The following FBXL17 variants were observed in gnomAD, a reference collection of about 807,000 sequenced individuals.
FBXL17 encodes the protein F-box/LRR-repeat protein 17.
Under a neutral mutation model 66.2 loss-of-function variants are expected in FBXL17, and 22 were observed. That is an observed-to-expected ratio of 0.33 (90% CI 0.24 to 0.47). The LOEUF (loss-of-function observed/expected upper bound fraction) is 0.47. Among genes scored for constraint, FBXL17 ranks in the 20% least tolerant of loss-of-function variants. The pLI is 1.00. For missense variants in FBXL17, 878 were observed against 948.2 expected, an observed-to-expected ratio of 0.93 and a Z score of 0.97; for synonymous variants, 474 against 400.5, an observed-to-expected ratio of 1.18 and a Z score of -2.19.
At chr5:108,333,369 GGACA>G (rs938052508) in intron 4 of FBXL17, among the ~76,000 whole-genome samples, 5 of 151,942 alleles carry the variant, frequency 3.3e-5, no homozygotes, top group South Asian at 4.2e-4. Context: ...ATGCAAAGAT[GGACA>G]GACAAATTAC....
chr5:108,381,567 G>T lies in FBXL17; in HGVS notation c.125C>A (p.Pro42His). 6.9e-7 allele frequency: 1 copy of T among 1,440,874 alleles called. No homozygotes were observed. Among genetic ancestry groups the T allele is most frequent in the East Asian group, 2.9e-5 (1 of 33,938 alleles). The allele number at this position is 1,440,874 out of a possible 1,614,324, so 89.3% of individuals were successfully genotyped here. The change falls in exon 1 of 9, where the codon CCC becomes CAC. Residue 42 changes from proline (P) to histidine (H), a missense_variant. This residue lies in a region of FBXL17 where 605 missense variants were observed against 509.5 expected (regional missense o/e 1.19). Transcript: ENST00000542267. ...RLPRRTPAKVPPQPAAPRSRD... is the reference protein window; with the variant it reads ...RLPRRTPAKVHPQPAAPRSRD... ...GCTCCGGGGCGCCGCCGGCTGAGGG[G>T]GCACCTTGGCTGGGGTCCGGCGGGG...
chr5:108,013,964 C>G (rs571725360), intron 7 of FBXL17, among the ~76,000 whole-genome samples: 5 of 152,254 alleles, frequency 3.3e-5, no homozygotes, highest in African/African-American at 4.8e-5. Context: ...GGTATTCATT[C>G]CAGCTCCATT....
chr5:107,968,744 T>C (rs970596554), intron 7 of FBXL17, among the ~76,000 whole-genome samples: 3 of 152,176 alleles, frequency 2.0e-5, no homozygotes, highest in African/African-American at 7.2e-5. Context: ...TCAAATGCAC[T>C]CTGTACTTTC....
At position 108,381,661 on chromosome 5, in the gene FBXL17, T is replaced by C; in HGVS notation, c.31A>G (p.Asn11Asp). ...CGAGGCCTCTTCTGGCTCGGGCGGT[T>C]ACGCGGCTCCTTCGAGAGAAGGTGG... MGHLLSKEPRNRPSQKRPRCC... is the reference protein window; with the variant it reads MGHLLSKEPRDRPSQKRPRCC... The change falls in exon 1 of 9, where the codon AAC (asparagine) becomes GAC (aspartate). Residue 11 changes from asparagine to aspartate, a missense_variant. By Grantham distance (23) the Asn-to-Asp change is conservative. Coordinates refer to ENST00000542267, the MANE Select transcript of FBXL17 (RefSeq NM_001163315.3). 6.8e-7 allele frequency: 1 copy of C among 1,474,508 alleles called. No individual in the cohort carries two copies. Among genetic ancestry groups the C allele is most frequent in the Non-Finnish European group, 9.0e-7 (1 of 1,116,674 alleles). The allele number at this position is 1,474,508 out of a possible 1,614,324, so 91.3% of individuals were successfully genotyped here. A position where few individuals can be genotyped will look rare whatever the true frequency, so the allele number is the denominator to read the frequency against.
chr5:108,005,327 T>C (rs1208567509), intron 7 of FBXL17, among the ~76,000 whole-genome samples: 1 of 152,150 alleles, frequency 6.6e-6, no homozygotes, highest in Non-Finnish European at 1.5e-5. Flanking sequence ...GGGGAGGATT[T>C]CAGAAACAGC....
chr5:107,932,223 A>G (rs144500716), intron 7 of FBXL17, among the ~76,000 whole-genome samples: 1 of 152,332 alleles, frequency 6.6e-6, no homozygotes, highest in Non-Finnish European at 1.5e-5. Flanking sequence ...TCACTGAATG[A>G]AATGTTCACG....
intron 5 of FBXL17, among the ~76,000 whole-genome samples, chr5:108,190,107 C>T (rs2150036756): frequency 6.6e-6 from 1 of 152,266 alleles, no homozygotes; most frequent in East Asian, 1.9e-4. Context: ...TGTTGTGTAT[C>T]AGTAGAAAAC....
intron 4 of FBXL17, among the ~76,000 whole-genome samples, chr5:108,244,550 T>A (rs1171049827): frequency 2.6e-5 from 4 of 152,212 alleles, no homozygotes; most frequent in African/African-American, 9.6e-5. Flanking sequence ...CACTATTCAA[T>A]GTACAAACAC....
At chr5:108,276,796 T>G (rs1282023983) in intron 4 of FBXL17, among the ~76,000 whole-genome samples, 1 of 152,128 alleles carries the variant, frequency 6.6e-6, no homozygotes, top group African/African-American at 2.4e-5. Context: ...TTCAAGCCCT[T>G]AGACATTTTG....
chr5:108,149,998 A>T (rs1215508156), intron 6 of FBXL17, among the ~76,000 whole-genome samples: 1 of 152,208 alleles, frequency 6.6e-6, no homozygotes, highest in East Asian at 1.9e-4. Context: ...GAAAGAGTAG[A>T]ATGTACACCC....
At chr5:108,380,608 C>A in intron 1 of FBXL17, 91 bp downstream of exon 1, 1 of 851,146 alleles carries the variant, frequency 1.2e-6, no homozygotes, top group Non-Finnish European at 1.6e-6. Context: ...CCCCCCTCCT[C>A]CGCGCTTAGG....
intron 4 of FBXL17, among the ~76,000 whole-genome samples, chr5:108,316,790 A>G (rs1274567075): frequency 6.6e-6 from 1 of 151,124 alleles, no homozygotes; most frequent in Non-Finnish European, 1.5e-5. Context: ...ATATATGGGA[A>G]ATTATACTGT....
In FBXL17 at chr5:108,229,312, A is replaced by T. The variant is rs142619116; in HGVS notation, c.1507-5084T>A. On this transcript the variant is annotated intron_variant, in intron 4 of 8. Transcript: ENST00000542267. ...CTGGGGGCATCACATTACAAGTTCA[A>T]ACTATACTGTAAGGCCACAGTCACC... Among the ~76,000 whole-genome samples, 266 of 152,306 alleles carry T rather than the reference A, an allele frequency of 1.7e-3. 1 individual carries two copies. The highest frequency in any genetic ancestry group is 6.2e-3 in the African/African-American group (258 of 41,562).
chr5:107,942,529 C>T (rs1309997512), intron 7 of FBXL17, among the ~76,000 whole-genome samples: 3 of 152,136 alleles, frequency 2.0e-5, no homozygotes. Context: ...TTGCCCATTA[C>T]ATTAGCTTTG....
chr5:108,365,629 A>G (rs1748613244), intron 2 of FBXL17, among the ~76,000 whole-genome samples: 1 of 152,096 alleles, frequency 6.6e-6, no homozygotes, highest in Admixed American at 6.6e-5. Context: ...AAACTGAGAA[A>G]GAAATTAAGG....
chr5:107,916,558 T>G (rs911780142), intron 7 of FBXL17, among the ~76,000 whole-genome samples: 3 of 152,144 alleles, frequency 2.0e-5, no homozygotes, highest in Non-Finnish European at 2.9e-5. Context: ...TCCTCAAAGA[T>G]ATTCAACAAT....
chr5:108,299,673 C>G, intron 4 of FBXL17: 1 of 983,314 alleles, frequency 1.0e-6, no homozygotes. Context: ...AAAAGGCCAG[C>G]CTGCCCCTGT....
At chr5:108,177,794 T>A (rs896103174) in intron 6 of FBXL17, among the ~76,000 whole-genome samples, 1 of 151,574 alleles carries the variant, frequency 6.6e-6, no homozygotes, top group Non-Finnish European at 1.5e-5. Context: ...TTCCTCAGGG[T>A]TGTTGTAGAG....
intron 4 of FBXL17, among the ~76,000 whole-genome samples, chr5:108,276,138 G>A (rs189865451): frequency 6.6e-6 from 1 of 152,242 alleles, no homozygotes; most frequent in African/African-American, 2.4e-5. Context: ...TAATTAGCTG[G>A]ATTTATTTTA....
Sources: allele counts gnomAD v4.1 joint callset (sites outside exome capture counted in the v4.1 genomes callset), GRCh38; gene constraint gnomAD v4.1.1; regional missense constraint gnomAD v4.1.1; transcripts MANE v1.5; gene names NCBI Gene and HGNC (gene_info 2026-07-23, HGNC 2026-07-21).